The following LMNTD1 variants were observed in gnomAD, a reference collection of about 807,000 sequenced individuals.
LMNTD1 encodes lamin tail domain containing 1.
In LMNTD1, 35 loss-of-function variants were observed where a neutral mutation model predicts 50.9. That is an observed-to-expected ratio of 0.69 (90% CI 0.53 to 0.91). LMNTD1 has a LOEUF of 0.91. Among genes scored for constraint, LMNTD1 ranks in the 40% least tolerant of loss-of-function variants. LMNTD1 has a pLI of 0.00. For synonymous variants in LMNTD1, 153 were observed against 161.9 expected, an observed-to-expected ratio of 0.94 and a Z score of 0.42; for missense variants, 470 against 475.5, an observed-to-expected ratio of 0.99 and a Z score of 0.11.
chr12:25,499,881 C>T (rs1939286084), intron 9 of LMNTD1: 1 of 152,188 alleles, frequency 6.6e-6, no homozygotes, highest in African/African-American at 2.4e-5. Flanking sequence ...TACGTTTGCT[C>T]AGGCATTTGA....
At chr12:25,604,707 C>T (rs988917911) in intron 1 of LMNTD1, among the ~76,000 whole-genome samples, 1 of 152,140 alleles carries the variant, frequency 6.6e-6, no homozygotes, top group African/African-American at 2.4e-5. Context: ...CATAGTATCC[C>T]ATGGTGTATA....
intron 4 of LMNTD1, among the ~76,000 whole-genome samples, chr12:25,534,582 A>AT (rs1194924105): frequency 6.6e-6 from 1 of 152,130 alleles, no homozygotes; most frequent in Non-Finnish European, 1.5e-5. Flanking sequence ...AGCGCTGGCG[A>AT]TTTTCAGATG....
intron 1 of LMNTD1, among the ~76,000 whole-genome samples, chr12:25,568,343 A>G (rs971287754): frequency 6.6e-6 from 1 of 152,220 alleles, no homozygotes. Flanking sequence ...AAAGCAAAGA[A>G]ATGACTTAAA....
At position 25,518,861 on chromosome 12, in the gene LMNTD1, A is replaced by ATGTAT. The variant is rs1194045569; in HGVS notation, c.1118_1122dup (p.Ser375IlefsTer46). 6.2e-7 allele frequency: 1 copy of ATGTAT among 1,614,044 alleles called. No individual in the cohort carries two copies. Among genetic ancestry groups the ATGTAT allele is most frequent in the Admixed American group, 1.7e-5 (1 of 60,014 alleles). The stretch of plus-strand genomic sequence containing the variant: ...CTATCCAATCTGCCTCCAGCGGTGG[A>ATGTAT]TGTATTGTGTGGTTCAATCAGAGGA... On this transcript the variant is annotated frameshift_variant, in exon 8 of 10. Coordinates refer to ENST00000458174, the MANE Select transcript of LMNTD1 (RefSeq NM_001145728.2). LOFTEE classifies it high-confidence loss of function.
chr12:25,547,040 C>T (rs899159564), intron 3 of LMNTD1, among the ~76,000 whole-genome samples: 5 of 151,662 alleles, frequency 3.3e-5, no homozygotes, highest in Non-Finnish European at 5.9e-5. Context: ...TAAACTTCCT[C>T]TATTTAATTA....
intron 1 of LMNTD1, among the ~76,000 whole-genome samples, chr12:25,607,418 G>C (rs536649420): frequency 6.6e-6 from 1 of 151,998 alleles, no homozygotes; most frequent in Non-Finnish European, 1.5e-5. Context: ...TCTTTTAATT[G>C]TGATGTTAGG....
chr12:25,562,810 T>C (rs1320115686), intron 1 of LMNTD1, among the ~76,000 whole-genome samples: 1 of 152,236 alleles, frequency 6.6e-6, no homozygotes, highest in African/African-American at 2.4e-5. Flanking sequence ...CATAGTCCCA[T>C]ATTTCTTGGA....
intron 8 of LMNTD1, among the ~76,000 whole-genome samples, chr12:25,507,914 A>G (rs78270683): frequency 0.044 from 6,659 of 152,316 alleles, 199 homozygotes; most frequent in Non-Finnish European, 0.067. Flanking sequence ...AGACACTGCA[A>G]CATAATGATG....
chr12:25,603,939 C>T (rs528689266), intron 1 of LMNTD1, among the ~76,000 whole-genome samples: 33 of 135,854 alleles, frequency 2.4e-4, no homozygotes, highest in Admixed American at 1.1e-3. Flanking sequence ...GAGACACATA[C>T]GAATATTGGG....
chr12:25,527,697 C>T (rs1352095155), intron 4 of LMNTD1, among the ~76,000 whole-genome samples: 100 of 93,942 alleles, frequency 1.1e-3, no homozygotes, highest in African/African-American at 3.6e-3. Flanking sequence ...CACACACACA[C>T]ACACACACAC....
At chr12:25,515,146 G>A (rs544391040) in intron 8 of LMNTD1, among the ~76,000 whole-genome samples, 64 of 152,004 alleles carry the variant, frequency 4.2e-4, no homozygotes, top group Non-Finnish European at 4.9e-4. Flanking sequence ...AATCATTGCC[G>A]TAGACATAAC....
intron 4 of LMNTD1, among the ~76,000 whole-genome samples, chr12:25,542,092 G>T (rs1943119490): frequency 6.7e-6 from 1 of 150,224 alleles, no homozygotes. Context: ...GAGAGGATAT[G>T]GAGAAATAGG....
At chr12:25,645,167 G>A (rs1333610273) in intron 1 of LMNTD1, among the ~76,000 whole-genome samples, 1 of 152,214 alleles carries the variant, frequency 6.6e-6, no homozygotes, top group African/African-American at 2.4e-5. Context: ...AAAATGGCTA[G>A]TTAGGCTCAT....
chr12:25,492,221 GAA>G (rs1938908624), intron 9 of LMNTD1, among the ~76,000 whole-genome samples: 1 of 152,170 alleles, frequency 6.6e-6, no homozygotes, highest in Non-Finnish European at 1.5e-5. Flanking sequence ...GTTTTTACCT[GAA>G]AATGTTATAG....
At chr12:25,498,459 T>C (rs1445194748) in intron 9 of LMNTD1, among the ~76,000 whole-genome samples, 2 of 152,148 alleles carry the variant, frequency 1.3e-5, no homozygotes, top group African/African-American at 4.8e-5. Context: ...ATTAACCCCA[T>C]ACTTCAAGGA....
intron 1 of LMNTD1, among the ~76,000 whole-genome samples, chr12:25,607,566 T>C (rs1946142500): frequency 2.0e-5 from 3 of 152,200 alleles, no homozygotes; most frequent in African/African-American, 7.2e-5. Flanking sequence ...AGAACATCTT[T>C]ATTTCTGCCT....
At chr12:25,519,586 T>TAAAAAAAAAAAAAAAAAAAAAAAAAAA (rs781742784) in intron 7 of LMNTD1, among the ~76,000 whole-genome samples, 7 of 74,908 alleles carry the variant, frequency 9.3e-5, no homozygotes, top group Admixed American at 1.5e-4. Flanking sequence ...AGACTCTGTC[T>TAAAAAAAAAAAAAAAAAAAAAAAAAAA]CAAAAAAAAA....
At chr12:25,639,553 G>A (rs563923704) in intron 1 of LMNTD1, among the ~76,000 whole-genome samples, 2 of 152,170 alleles carry the variant, frequency 1.3e-5, no homozygotes, top group Admixed American at 6.5e-5. Context: ...ACAAGCACAC[G>A]AAAAGATCAT....
intron 8 of LMNTD1, among the ~76,000 whole-genome samples, chr12:25,518,427 G>T (rs1288847684): frequency 6.6e-6 from 1 of 152,202 alleles, no homozygotes; most frequent in Non-Finnish European, 1.5e-5. Flanking sequence ...TTTGGAAAAG[G>T]TGGAATTTTT....
Sources: allele counts gnomAD v4.1 joint callset (sites outside exome capture counted in the v4.1 genomes callset), GRCh38; gene constraint gnomAD v4.1.1; transcripts MANE v1.5; gene names NCBI Gene and HGNC (gene_info 2026-07-23, HGNC 2026-07-21).